KLHL26: variants seen among roughly 807,000 people sequenced by gnomAD.
KLHL26 encodes kelch-like protein 26.
Under a neutral mutation model 7.1 loss-of-function variants are expected in KLHL26, and 4 were observed. That is an observed-to-expected ratio of 0.56 (90% CI 0.28 to 1.28). The LOEUF is 1.28. Among genes scored for constraint, KLHL26 ranks in the 50% most tolerant of loss-of-function variants. The pLI is 0.11. For missense variants in KLHL26, 896 were observed against 924.6 expected (o/e 0.97, Z 0.40); for synonymous variants, 465 against 414.1 (o/e 1.12, Z -1.49).
intron 2 of KLHL26, chr19:18,667,346 T>G: frequency 5.4e-6 from 2 of 368,446 alleles, no homozygotes; most frequent in Non-Finnish European, 1.0e-5. Flanking sequence ...TTGCATGTTT[T>G]TGTTTGTTTG....
intron 1 of KLHL26, among the ~76,000 whole-genome samples, chr19:18,638,668 TG>T (rs1976660445): frequency 6.6e-6 from 1 of 152,142 alleles, no homozygotes; most frequent in Admixed American, 6.5e-5. Context: ...GGCACTGGAG[TG>T]GGATAACCTG....
chr19:18,658,286 G>A (rs1294071472), intron 1 of KLHL26, among the ~76,000 whole-genome samples: 5 of 152,098 alleles, frequency 3.3e-5, no homozygotes, highest in African/African-American at 9.7e-5. Context: ...GTGTCAGTGT[G>A]GTTGGAGAGT....
At position 18,663,709 on chromosome 19, in the gene KLHL26, TATTA is replaced by T. The variant is rs563976778; in HGVS notation, c.84-548_84-545del. The stretch of plus-strand genomic sequence containing the variant: ...AGTGGTGTGTTAACGGCTCCTAAGC[TATTA>T]ATTCATTGATCCGTTCAACAGTTTC... On this transcript the variant is annotated intron_variant, in intron 1 of 2. Transcript: ENST00000300976. Among the ~76,000 whole-genome samples, 58 of 151,318 alleles carry T rather than the reference TATTA, an allele frequency of 3.8e-4. 2 individuals are homozygous for T. The South Asian group carries it at 0.011, about 28-fold the overall frequency.
In KLHL26 at chr19:18,664,273, G is replaced by T. The variant is rs1335523758; in HGVS notation, c.96G>T (p.Lys32Asn). The T allele has an allele frequency of 1.0e-5, 16 of 1,601,716 alleles. No homozygotes were observed. Among genetic ancestry groups the T allele is most frequent in the Non-Finnish European group, 1.3e-5 (15 of 1,175,210 alleles). The stretch of plus-strand genomic sequence containing the variant: ...GCTTTCCCCGCAGCACGGCCGACAA[G>T]AACGGGGCCCTCAAGTGCACCTTCT... Reference protein sequence around the residue: ...GPERPNSTADKNGALKCTFSA... With the variant: ...GPERPNSTADNNGALKCTFSA... The change falls in exon 2 of 3, where the codon AAG becomes AAT. Residue 32 changes from lysine (K) to asparagine (N), a missense_variant. By Grantham distance (94) the Lys-to-Asn change is moderately conservative. Transcript: ENST00000300976.
rs758474804 is a variant in KLHL26 at position 18,668,063 on chromosome 19, C to A, written c.666C>A (p.Ala222=). The stretch of plus-strand genomic sequence containing the variant: ...AGAGCAACCGGCTGCAGAGCTGTGC[C>A]GAGATCGACCTGTTCCGCGCGGCCG... ...FLQSNRLQSC[A]EIDLFRAAVR... The change falls in exon 3 of 3, where the codon GCC becomes GCA. Residue 222 remains alanine (A), a synonymous_variant. Coordinates refer to ENST00000300976, the MANE Select transcript of KLHL26 (RefSeq NM_018316.3). 1.6e-5 allele frequency: 26 copies of A among 1,607,142 alleles called. No individual in the cohort carries two copies. The highest frequency in any genetic ancestry group is 1.6e-4 in the Middle Eastern group (1 of 6,082).
chr19:18,664,826 TGCCTGCCTTG>T (rs1471363217), intron 2 of KLHL26, among the ~76,000 whole-genome samples: 3 of 151,976 alleles, frequency 2.0e-5, no homozygotes, highest in Non-Finnish European at 2.9e-5. Context: ...CTTCGTGATC[TGCCTGCCTTG>T]GCCTCCCAAA....
chr19:18,665,164 C>T (rs1300018816), intron 2 of KLHL26, among the ~76,000 whole-genome samples: 1 of 151,824 alleles, frequency 6.6e-6, no homozygotes, highest in Non-Finnish European at 1.5e-5. Context: ...TCAAGCGATT[C>T]TCCTGCCTCA....
Position 18,669,175 on chromosome 19 carries a change from A to T in KLHL26, c.1778A>T (p.His593Leu). 6.2e-7 allele frequency: 1 copy of T among 1,612,700 alleles called. No individual in the cohort carries two copies. The highest frequency in any genetic ancestry group is 8.5e-7 in the Non-Finnish European group (1 of 1,179,952). ...ACCGACGAGTGGGAGCGGGACCTGC[A>T]CTTCCCGGAGTCCTTCGCAGGCATA... Reference protein sequence around the residue: ...TDTDEWERDLHFPESFAGIAC... With the variant: ...TDTDEWERDLLFPESFAGIAC... The change falls in exon 3 of 3, where the codon CAC becomes CTC. Residue 593 changes from histidine to leucine, a missense_variant. By Grantham distance (99) the His-to-Leu change is moderately conservative. Transcript: ENST00000300976.
At chr19:18,661,229 C>A (rs1393543116) in intron 1 of KLHL26, among the ~76,000 whole-genome samples, 3 of 152,138 alleles carry the variant, frequency 2.0e-5, no homozygotes, top group Non-Finnish European at 2.9e-5. Flanking sequence ...CTCTGAGATG[C>A]CCTGCCAGTC....
At chr19:18,640,739 A>G (rs1976699122) in intron 1 of KLHL26, among the ~76,000 whole-genome samples, 1 of 151,182 alleles carries the variant, frequency 6.6e-6, no homozygotes, top group Non-Finnish European at 1.5e-5. Context: ...GGGTTTTGCC[A>G]TGTTGGCCAG....
chr19:18,654,483 A>T (rs1051708501), intron 1 of KLHL26, among the ~76,000 whole-genome samples: 1 of 149,362 alleles, frequency 6.7e-6, no homozygotes, highest in African/African-American at 2.5e-5. Context: ...CCGCCCACCC[A>T]TCCATCCACC....
intron 2 of KLHL26, among the ~76,000 whole-genome samples, chr19:18,666,103 C>T (rs558266225): frequency 6.6e-6 from 1 of 152,380 alleles, no homozygotes; most frequent in Non-Finnish European, 1.5e-5. Flanking sequence ...ACCGCCTCTG[C>T]CTTCATCGCA....
In KLHL26 at chr19:18,656,662, C is replaced by T. The variant is rs903657233; in HGVS notation, c.84-7599C>T. On this transcript the variant is annotated intron_variant, in intron 1 of 2. Transcript: ENST00000300976. This position sits in a 1 kb window ranked among gnomAD's most constrained non-coding sequence, Gnocchi z 4.4. ...CAGGACGCTGTGTGAGTTGGGCCAA[C>T]AGGCGCAACTCACGGCGAGCCCTGT... is the stretch of plus-strand genomic sequence containing the variant. Among the ~76,000 whole-genome samples the T allele has an allele frequency of 1.4e-5, 2 of 147,092 alleles. No individual in the cohort carries two copies. Among genetic ancestry groups the T allele is most frequent in the Non-Finnish European group, 1.5e-5 (1 of 67,214 alleles).
At chr19:18,659,281 G>T (rs1024116039) in intron 1 of KLHL26, among the ~76,000 whole-genome samples, 1 of 152,160 alleles carries the variant, frequency 6.6e-6, no homozygotes, top group Non-Finnish European at 1.5e-5. Context: ...TGGGAGAGAG[G>T]CTAGGGATTG....
intron 1 of KLHL26, among the ~76,000 whole-genome samples, chr19:18,663,357 G>A (rs151276279): frequency 9.0e-4 from 137 of 152,298 alleles, no homozygotes; most frequent in Non-Finnish European, 1.5e-3. Flanking sequence ...AGGGACCTCC[G>A]GTGGCAGCTG....
At chr19:18,640,781 C>T (rs558299579) in intron 1 of KLHL26, among the ~76,000 whole-genome samples, 5 of 143,182 alleles carry the variant, frequency 3.5e-5, no homozygotes, top group South Asian at 2.2e-4. Context: ...TCAGGGGATC[C>T]GCCTGCTTCG....
rs762104972 is a variant in KLHL26 at position 18,668,561 on chromosome 19, C to T, written c.1164C>T (p.Pro388=). 6 of 1,594,040 alleles carry T rather than the reference C, an allele frequency of 3.8e-6. No homozygotes were observed. Among genetic ancestry groups the T allele is most frequent in the South Asian group, 3.3e-5 (3 of 90,626 alleles). Residue 388 remains proline, a synonymous_variant, in exon 3 of 3, where the codon CCC becomes CCT. Coordinates refer to ENST00000300976, the MANE Select transcript of KLHL26 (RefSeq NM_018316.3). ...GAVDACYRYD[P]HLNRWLRLQA... is the part of the protein sequence containing the mutation. ...TGGACGCCTGCTACCGCTACGACCC[C>T]CACCTGAATCGCTGGCTGCGCCTGC...
chr19:18,655,730 G>A (rs145723244), intron 1 of KLHL26, among the ~76,000 whole-genome samples: 37 of 152,368 alleles, frequency 2.4e-4, no homozygotes, highest in African/African-American at 8.7e-4. Flanking sequence ...GGGAGGTGGG[G>A]TCTGAACACC....
chr19:18,663,725 C>T (rs971291193), intron 1 of KLHL26, among the ~76,000 whole-genome samples: 3 of 148,596 alleles, frequency 2.0e-5, no homozygotes, highest in East Asian at 2.0e-4. Flanking sequence ...TTCATTGATC[C>T]GTTCAACAGT....
Sources: gnomAD v4.1 joint callset for allele counts (sites outside exome capture counted in the v4.1 genomes callset) on GRCh38, gnomAD v4.1.1 for gene constraint, Gnocchi (gnomAD v3.1) non-coding constraint, MANE v1.5 for transcripts, NCBI Gene and HGNC (gene_info 2026-07-23, HGNC 2026-07-21) for gene names.